The following PDGFD variants were observed in gnomAD, a reference collection of about 807,000 sequenced individuals.
PDGFD encodes the protein platelet-derived growth factor D.
A neutral mutation model predicts 44.7 loss-of-function variants in PDGFD; 30 were observed. The ratio of observed to expected loss-of-function variants is 0.67; its 90% CI spans 0.50 to 0.91. The LOEUF is 0.91. Among genes scored for constraint, PDGFD ranks in the 40% least tolerant of loss-of-function variants. The pLI is 0.00. For synonymous variants in PDGFD, 173 were observed against 168.4 expected (o/e 1.03, Z -0.21); for missense variants, 445 against 457.8 (o/e 0.97, Z 0.25).
At chr11:104,134,569 C>T (rs778777054) in intron 1 of PDGFD, among the ~76,000 whole-genome samples, 2 of 152,176 alleles carry the variant, frequency 1.3e-5, no homozygotes, top group Non-Finnish European at 2.9e-5. Flanking sequence ...CTGATTCATC[C>T]ACTCATGCAC....
chr11:104,118,423 C>T (rs1183088709), intron 1 of PDGFD, among the ~76,000 whole-genome samples: 1 of 151,836 alleles, frequency 6.6e-6, no homozygotes, highest in African/African-American at 2.4e-5. Context: ...GACTTCCCAG[C>T]ATACAGCTGT....
chr11:104,084,037 C>T (rs2515079), intron 1 of PDGFD, among the ~76,000 whole-genome samples: 152,127 of 152,334 alleles, frequency 1, 75,960 homozygotes, highest in Middle Eastern at 1. Context: ...TGAGTTACCA[C>T]GCACTTTGAT....
At chr11:103,910,797 C>G (rs1459067000) in intron 6 of PDGFD, among the ~76,000 whole-genome samples, 6 of 145,670 alleles carry the variant, frequency 4.1e-5, no homozygotes, top group African/African-American at 1.5e-4. Context: ...TGGGTCCCAC[C>G]CCCATGGAGC....
chr11:104,042,986 G>A (rs1860381890), intron 1 of PDGFD, among the ~76,000 whole-genome samples: 1 of 152,096 alleles, frequency 6.6e-6, no homozygotes, highest in Non-Finnish European at 1.5e-5. Flanking sequence ...AAAATTTAAT[G>A]TATTTTTTCA....
chr11:104,144,425 G>C lies in PDGFD; in HGVS notation c.124+19379C>G, dbSNP rs1177885629. ...GGAGGCTGAGGCAGGAGAATCGCTT[G>C]AACCCAGGCGGCAGAAGTTGCAGTG... On this transcript the variant is annotated intron_variant, in intron 1 of 6. Coordinates refer to ENST00000393158, the MANE Select transcript of PDGFD (RefSeq NM_025208.5). Among the ~76,000 whole-genome samples, 7 of 145,284 alleles carry C rather than the reference G, an allele frequency of 4.8e-5. No individual in the cohort carries two copies. In the Admixed American group the frequency reaches 5.0e-4, roughly 10 times the overall value.
At chr11:103,964,358 A>G (rs1200581395) in intron 3 of PDGFD, among the ~76,000 whole-genome samples, 2 of 152,130 alleles carry the variant, frequency 1.3e-5, no homozygotes, top group African/African-American at 4.8e-5. Flanking sequence ...TAAGTCACTG[A>G]CATTTCAGGG....
intron 3 of PDGFD, among the ~76,000 whole-genome samples, chr11:103,958,411 A>G (rs1055349536): frequency 2.6e-5 from 4 of 152,202 alleles, no homozygotes; most frequent in African/African-American, 9.7e-5. Flanking sequence ...GATTCAATTC[A>G]CCAGTGGTCT....
chr11:104,012,214 C>A (rs938982944), intron 1 of PDGFD, among the ~76,000 whole-genome samples: 1 of 152,066 alleles, frequency 6.6e-6, no homozygotes, highest in Non-Finnish European at 1.5e-5. Context: ...TGATATTTCT[C>A]GGAATTATCT....
At position 103,943,638 on chromosome 11, in the gene PDGFD, T is replaced by C; in HGVS notation, c.586A>G (p.Asn196Asp). ...VTSSISGVSY[N>D]SPSVTDPTLI... is the part of the protein sequence containing the mutation. ...GTGGGATCCGTTACTGATGGAGAGT[T>C]ATAGGATACCCCCTAAGAGTGACAT... Residue 196 changes from asparagine (N) to aspartate (D), a missense_variant, in exon 5 of 7, where the codon AAC becomes GAC. Coordinates refer to ENST00000393158, the MANE Select transcript of PDGFD (RefSeq NM_025208.5). 1 of 1,612,504 alleles carries C rather than the reference T, an allele frequency of 6.2e-7. No homozygotes were observed. Among genetic ancestry groups the C allele is most frequent in the South Asian group, 1.1e-5 (1 of 90,900 alleles).
chr11:104,103,462 G>GTATATATATATA (rs58684985), intron 1 of PDGFD, among the ~76,000 whole-genome samples: 2 of 133,258 alleles, frequency 1.5e-5, no homozygotes, highest in Admixed American at 7.8e-5. Flanking sequence ...GTGTGTGTGT[G>GTATATATATATA]TATATATATA....
At chr11:104,040,687 C>A (rs1211133395) in intron 1 of PDGFD, among the ~76,000 whole-genome samples, 3 of 149,596 alleles carry the variant, frequency 2.0e-5, no homozygotes, top group Non-Finnish European at 4.5e-5. Flanking sequence ...TTATTAGAAA[C>A]ATTCAAATAT....
chr11:103,978,067 T>C (rs1859209821), intron 3 of PDGFD, among the ~76,000 whole-genome samples: 1 of 152,092 alleles, frequency 6.6e-6, no homozygotes, highest in African/African-American at 2.4e-5. Context: ...GGCTCCATCA[T>C]CATAAAGAGT....
intron 1 of PDGFD, among the ~76,000 whole-genome samples, chr11:104,095,501 A>C (rs1861271835): frequency 6.6e-6 from 1 of 152,138 alleles, no homozygotes. Context: ...AGACCCTGCC[A>C]TCCACACCTA....
At chr11:104,150,684 G>A (rs1862230709) in intron 1 of PDGFD, among the ~76,000 whole-genome samples, 1 of 152,112 alleles carries the variant, frequency 6.6e-6, no homozygotes, top group African/African-American at 2.4e-5. Flanking sequence ...GTTTGCTGCT[G>A]GCATTCCTTG....
At chr11:104,010,520 T>C (rs942138173) in intron 1 of PDGFD, among the ~76,000 whole-genome samples, 3 of 152,112 alleles carry the variant, frequency 2.0e-5, no homozygotes, top group Non-Finnish European at 4.4e-5. Flanking sequence ...TGAGCGATCA[T>C]ATTCTTTCCT....
At chr11:104,090,920 G>A (rs1376001600) in intron 1 of PDGFD, among the ~76,000 whole-genome samples, 1 of 152,044 alleles carries the variant, frequency 6.6e-6, no homozygotes, top group African/African-American at 2.4e-5. Context: ...CGGTGCCTGT[G>A]ATGAAGTTTC....
intron 1 of PDGFD, among the ~76,000 whole-genome samples, chr11:104,009,453 T>TATTATTATTATTATC (rs112210777): frequency 2.6e-5 from 4 of 151,382 alleles, no homozygotes; most frequent in Admixed American, 1.3e-4. Flanking sequence ...TTATTATTAT[T>TATTATTATTATTATC]ATCATTACTA....
intron 2 of PDGFD, among the ~76,000 whole-genome samples, chr11:103,998,164 C>G (rs1859563950): frequency 6.6e-6 from 1 of 152,164 alleles, no homozygotes; most frequent in South Asian, 2.1e-4. Flanking sequence ...CTTGGAATTT[C>G]TGAGTGCTGG....
intron 1 of PDGFD, among the ~76,000 whole-genome samples, chr11:104,127,996 G>A (rs926359326): frequency 6.6e-6 from 1 of 152,086 alleles, no homozygotes; most frequent in Admixed American, 6.6e-5. Context: ...TTGGGTCATA[G>A]GAATTCCCAT....
Sources: allele counts gnomAD v4.1 joint callset (sites outside exome capture counted in the v4.1 genomes callset), GRCh38; gene constraint gnomAD v4.1.1; transcripts MANE v1.5; gene names NCBI Gene and HGNC (gene_info 2026-07-23, HGNC 2026-07-21).